The following C2orf69 variants were observed in gnomAD, a reference collection of about 807,000 sequenced individuals.
The protein encoded by C2orf69 is mitochondrial protein C2orf69.
A neutral mutation model predicts 29.5 loss-of-function variants in C2orf69; 19 were observed. The ratio of observed to expected loss-of-function variants is 0.65; its 90% CI spans 0.45 to 0.95. The LOEUF is 0.95. Ranked by LOEUF, C2orf69 falls within the 40% of genes least tolerant of loss-of-function variation. The pLI, the probability that C2orf69 is intolerant of heterozygous loss-of-function variation, is 0.00. For missense variants in C2orf69, 416 were observed against 482.1 expected (o/e 0.86, Z 1.28); for synonymous variants, 194 against 180.0 (o/e 1.08, Z -0.62).
At chr2:199,923,161 G>C (rs1382067126) in intron 1 of C2orf69, among the ~76,000 whole-genome samples, 1 of 152,192 alleles carries the variant, frequency 6.6e-6, no homozygotes, top group Non-Finnish European at 1.5e-5. Flanking sequence ...CTTTATTGGA[G>C]AAGCCTTTCC....
intron 1 of C2orf69, among the ~76,000 whole-genome samples, chr2:199,921,872 A>G (rs1007572614): frequency 2.0e-5 from 3 of 151,658 alleles, no homozygotes; most frequent in Non-Finnish European, 2.9e-5. Context: ...CTTTGTATAT[A>G]GAATTTTTGT....
In C2orf69 at chr2:199,911,337, C is replaced by T; in HGVS notation, c.-102C>T. The T allele has an allele frequency of 1.5e-6, 2 of 1,336,084 alleles. No homozygotes were observed. The highest frequency in any genetic ancestry group is 1.9e-6 in the Non-Finnish European group (2 of 1,040,370). 82.8% of individuals were successfully genotyped at this position (1,336,084 alleles called of 1,614,324 possible). On this transcript the variant is annotated 5_prime_UTR_variant, in exon 1 of 2. Coordinates refer to ENST00000319974, the MANE Select transcript of C2orf69 (RefSeq NM_153689.6). ...GCGCCGGCTCCCGGCCGGGCCGCGG[C>T]CGCCGACCGTTGAGCCGCCGGCTGA...
At chr2:199,923,460 C>T (rs758049417) in intron 1 of C2orf69, among the ~76,000 whole-genome samples, 1 of 152,064 alleles carries the variant, frequency 6.6e-6, no homozygotes, top group African/African-American at 2.4e-5. Flanking sequence ...AACGGATACC[C>T]AGTTCAGTTA....
intron 1 of C2orf69, among the ~76,000 whole-genome samples, chr2:199,914,143 G>T (rs166849): frequency 1.3e-4 from 19 of 151,942 alleles, no homozygotes; most frequent in Non-Finnish European, 2.1e-4. Context: ...TATCCTAGTC[G>T]TCTGTTCTTC....
Position 199,911,681 on chromosome 2 carries a change from G to A in C2orf69, c.243G>A (p.Leu81=). ...LLLLAAAGEG[L]ERQDLPGDPA... ...TGTTGGCGGCGGCCGGGGAGGGACT[G>A]GAGCGGCAGGACCTCCCCGGGGACC... Residue 81 remains leucine, a synonymous_variant, in exon 1 of 2, where the codon CTG becomes CTA. Transcript: ENST00000319974. 1 of 1,547,254 alleles carries A rather than the reference G, an allele frequency of 6.5e-7. No homozygotes were observed. The highest frequency in any genetic ancestry group is 8.7e-7 in the Non-Finnish European group (1 of 1,146,864).
Position 199,913,741 on chromosome 2 carries a change from T to C in C2orf69, c.333+1970T>C, listed in dbSNP as rs1057513536. Among the ~76,000 whole-genome samples, 5 of 151,482 alleles carry C rather than the reference T, an allele frequency of 3.3e-5. No individual in the cohort carries two copies. The Admixed American group carries it at 3.3e-4, about 10-fold the overall frequency. On this transcript the variant is annotated intron_variant, in intron 1 of 1. Transcript: ENST00000319974. Reference sequence around the variant, plus strand: ...TGTGGCTCAGATTGGGAAAATAACATGTGACATTTCCGACTATGACTGCCA... The same window carrying C: ...TGTGGCTCAGATTGGGAAAATAACACGTGACATTTCCGACTATGACTGCCA...
chr2:199,914,340 T>G (rs1228877971), intron 1 of C2orf69, among the ~76,000 whole-genome samples: 3 of 152,216 alleles, frequency 2.0e-5, no homozygotes, highest in Non-Finnish European at 4.4e-5. Flanking sequence ...AATCTCTGGA[T>G]CTTTACCCCT....
chr2:199,918,009 G>C (rs904946824), intron 1 of C2orf69, among the ~76,000 whole-genome samples: 2 of 152,194 alleles, frequency 1.3e-5, no homozygotes, highest in African/African-American at 4.8e-5. Context: ...AAGAGAATGA[G>C]AGCAAAGAGG....
At chr2:199,924,317 G>A (rs890220061) in intron 1 of C2orf69, among the ~76,000 whole-genome samples, 2 of 152,126 alleles carry the variant, frequency 1.3e-5, no homozygotes, top group African/African-American at 4.8e-5. Flanking sequence ...TGAGGAGGGA[G>A]GATTGCTTGA....
intron 1 of C2orf69, among the ~76,000 whole-genome samples, chr2:199,914,288 G>A (rs984497726): frequency 2.0e-5 from 3 of 152,032 alleles, no homozygotes; most frequent in East Asian, 1.9e-4. Context: ...TTATATGCAC[G>A]ATTATTTCCT....
chr2:199,926,007 G>C lies in C2orf69; in HGVS notation c.*121G>C. 1.5e-6 allele frequency: 1 copy of C among 647,910 alleles called. No homozygotes were observed. Among genetic ancestry groups the C allele is most frequent in the Non-Finnish European group, 2.6e-6 (1 of 381,812 alleles). The allele number at this position is 647,910 out of a possible 1,614,324, so 40.1% of individuals were successfully genotyped here. On this transcript the variant is annotated 3_prime_UTR_variant, in exon 2 of 2. Transcript: ENST00000319974. ...TGTCAGTTTTGGGGTATGGGGGGAA[G>C]CACACATTCCTAAAATGTGAGTGTA... is the stretch of plus-strand genomic sequence containing the variant.
chr2:199,913,287 A>ATATAATATATATTCTAT (rs1317011752), intron 1 of C2orf69, among the ~76,000 whole-genome samples: 2 of 103,096 alleles, frequency 1.9e-5, no homozygotes, highest in Admixed American at 1.5e-4. Context: ...ATATTCTATT[A>ATATAATATATATTCTAT]TATAATATAT....
intron 1 of C2orf69, among the ~76,000 whole-genome samples, chr2:199,913,336 AT>A (rs1168524784): frequency 2.5e-3 from 250 of 98,162 alleles, no homozygotes; most frequent in African/African-American, 9.9e-3. Flanking sequence ...TATATATTCT[AT>A]TATAATATAT....
intron 1 of C2orf69, among the ~76,000 whole-genome samples, chr2:199,914,263 C>T (rs1263736862): frequency 2.0e-5 from 3 of 152,172 alleles, no homozygotes; most frequent in African/African-American, 7.2e-5. Context: ...ATTCCCCAAA[C>T]TTTAGGCCAA....
At chr2:199,920,056 G>A (rs558877919) in intron 1 of C2orf69, among the ~76,000 whole-genome samples, 65 of 152,342 alleles carry the variant, frequency 4.3e-4, no homozygotes, top group African/African-American at 1.5e-3. Context: ...CACTGGGGAT[G>A]AGAAGCATGG....
rs779737973 is a variant in C2orf69, at chr2:199,925,390, C to G, written c.662C>G (p.Ser221Cys). Reference sequence around the variant, plus strand: ...GACTCCATAGCATCTAACTGTAGATCCAGTCCTTCTCATACTACGAATGGT... The same window carrying G: ...GACTCCATAGCATCTAACTGTAGATGCAGTCCTTCTCATACTACGAATGGT... ...NKDSIASNCRSSPSHTTNGCQ... is the reference protein window; with the variant it reads ...NKDSIASNCRCSPSHTTNGCQ... The change falls in exon 2 of 2, where the codon TCC becomes TGC. Residue 221 changes from serine (S) to cysteine (C), a missense_variant. Coordinates refer to ENST00000319974, the MANE Select transcript of C2orf69 (RefSeq NM_153689.6). This position sits in a 1 kb window ranked among gnomAD's most constrained non-coding sequence, Gnocchi z 4.9. 2 of 1,613,552 alleles carry G rather than the reference C, an allele frequency of 1.2e-6. No homozygotes were observed. The highest frequency in any genetic ancestry group is 3.3e-5 in the Admixed American group (2 of 60,004).
intron 1 of C2orf69, among the ~76,000 whole-genome samples, chr2:199,922,349 C>T (rs541456480): frequency 9.9e-5 from 15 of 151,940 alleles, no homozygotes; most frequent in Non-Finnish European, 2.9e-5. Flanking sequence ...CTGCCTCTGC[C>T]GCCCAAAGTG....
chr2:199,922,025 T>C (rs2077317980), intron 1 of C2orf69, among the ~76,000 whole-genome samples: 1 of 26,146 alleles, frequency 3.8e-5, no homozygotes, highest in East Asian at 1.1e-3. Flanking sequence ...GCTGCCACTG[T>C]TATTTTTATA....
At chr2:199,914,421 A>G (rs2077285723) in intron 1 of C2orf69, among the ~76,000 whole-genome samples, 1 of 152,204 alleles carries the variant, frequency 6.6e-6, no homozygotes, top group Non-Finnish European at 1.5e-5. Context: ...TCTTGAAGTC[A>G]TCCATTAGAA....
Sources: gnomAD v4.1 joint callset for allele counts (sites outside exome capture counted in the v4.1 genomes callset) on GRCh38, gnomAD v4.1.1 for gene constraint, Gnocchi (gnomAD v3.1) non-coding constraint, MANE v1.5 for transcripts, NCBI Gene and HGNC (gene_info 2026-07-23, HGNC 2026-07-21) for gene names.